Variants in GRIP1 observed in about 807,000 individuals in gnomAD.
The protein encoded by GRIP1 is glutamate receptor interacting protein 1.
GRIP1 carries 45 observed loss-of-function variants against 129.9 expected under a neutral mutation model. The observed-to-expected ratio is 0.35, with a 90% CI of 0.27 to 0.44. The LOEUF (loss-of-function observed/expected upper bound fraction) is 0.44, where lower values mean the gene tolerates loss of function less well. Among genes scored for constraint, GRIP1 ranks in the 20% least tolerant of loss-of-function variants. The probability of loss-of-function intolerance (pLI) is 1.00; values close to 1 mark genes in which losing one functional copy is unlikely to be tolerated. For missense variants in GRIP1, 1,196 were observed against 1,396.8 expected (o/e 0.86, Z 2.29); for synonymous variants, 530 against 520.8 (o/e 1.02, Z -0.24).
intron 7 of GRIP1, among the ~76,000 whole-genome samples, chr12:66,498,991 G>C (rs1382513353): frequency 2.0e-5 from 3 of 152,182 alleles, no homozygotes; most frequent in Non-Finnish European, 4.4e-5. Flanking sequence ...TCAGTCTCAT[G>C]ATCACTGAGA....
At chr12:66,508,451 T>C (rs577290366) in intron 7 of GRIP1, among the ~76,000 whole-genome samples, 1 of 152,238 alleles carries the variant, frequency 6.6e-6, no homozygotes, top group East Asian at 1.9e-4. Context: ...AAAATGTAAA[T>C]ACTTTCAAGA....
Position 66,697,196 on chromosome 12 carries a change from G to T in GRIP1, c.-419-66860C>A, listed in dbSNP as rs2035195605. The stretch of plus-strand genomic sequence containing the variant: ...GAACAAAAGGACTAAAATCTAAAGG[G>T]AAAAAAGACCAATTTTCCTTCTCTC... On this transcript the variant is annotated intron_variant, in intron 1 of 4. Transcript: ENST00000538373. Among the ~76,000 whole-genome samples the T allele has an allele frequency of 2.0e-5, 3 of 152,066 alleles. No homozygotes were observed. In the South Asian group the frequency reaches 6.2e-4, roughly 32 times the overall value.
intron 1 of GRIP1, among the ~76,000 whole-genome samples, chr12:66,766,889 A>G (rs2037657435): frequency 6.6e-6 from 1 of 152,250 alleles, no homozygotes; most frequent in Admixed American, 6.5e-5. Flanking sequence ...GAATCCATTC[A>G]TCATTAAGCA....
rs564661365 is a variant in GRIP1, at chr12:66,910,140, T to C, written c.58+158910A>G. On this transcript the variant is annotated intron_variant, in intron 1 of 1. Transcript: ENST00000643019. ...CACATGAAATATGAATTTCCCTTGT[T>C]TGGAAGCAAGACTTAGGCTCAGGAC... Among the ~76,000 whole-genome samples the C allele has an allele frequency of 3.3e-5, 5 of 152,270 alleles. No homozygotes were observed. In the South Asian group the frequency reaches 8.3e-4, roughly 25 times the overall value.
chr12:66,356,630 G>A (rs1256083516), intron 23 of GRIP1, among the ~76,000 whole-genome samples: 2 of 152,084 alleles, frequency 1.3e-5, no homozygotes, highest in Non-Finnish European at 2.9e-5. Context: ...ACCACCAAGA[G>A]CTTGCCATGT....
intron 23 of GRIP1, among the ~76,000 whole-genome samples, chr12:66,354,456 A>G (rs1027910707): frequency 6.6e-6 from 1 of 152,220 alleles, no homozygotes; most frequent in Non-Finnish European, 1.5e-5. Flanking sequence ...AGGCACACAC[A>G]TGAATATGTA....
chr12:67,032,859 A>C (rs2043042742), intron 1 of GRIP1, among the ~76,000 whole-genome samples: 1 of 152,206 alleles, frequency 6.6e-6, no homozygotes, highest in African/African-American at 2.4e-5. Context: ...AAAGATAACA[A>C]GAAGCAGATT....
intron 15 of GRIP1, among the ~76,000 whole-genome samples, chr12:66,419,932 G>A (rs2057744542): frequency 6.6e-6 from 1 of 152,080 alleles, no homozygotes; most frequent in Non-Finnish European, 1.5e-5. Flanking sequence ...CCCGCCTCTA[G>A]TAAAAAATAC....
intron 1 of GRIP1, among the ~76,000 whole-genome samples, chr12:66,827,413 A>AGAGC (rs954144495): frequency 2.0e-5 from 3 of 150,888 alleles, no homozygotes; most frequent in Non-Finnish European, 4.4e-5. Context: ...AGAGAGAGAG[A>AGAGC]GAGCGCACAA....
upstream of GRIP1, among the ~76,000 whole-genome samples, chr12:66,682,898 T>C (rs938783246): frequency 2.0e-5 from 3 of 152,198 alleles, no homozygotes; most frequent in African/African-American, 7.2e-5. Flanking sequence ...AAAATATACC[T>C]GATAGATCCC....
At chr12:66,910,839 T>C (rs146501294) in intron 1 of GRIP1, among the ~76,000 whole-genome samples, 165 of 152,254 alleles carry the variant, frequency 1.1e-3, no homozygotes, top group African/African-American at 3.7e-3. Context: ...CCCTAGGCCA[T>C]AGAATTCCAC....
intron 1 of GRIP1, among the ~76,000 whole-genome samples, chr12:66,653,936 G>C (rs2032975543): frequency 6.6e-6 from 1 of 152,180 alleles, no homozygotes; most frequent in Admixed American, 6.5e-5. Flanking sequence ...CACAGCCTCA[G>C]AGAACAGAGA....
intron 1 of GRIP1, among the ~76,000 whole-genome samples, chr12:66,710,363 A>C (rs1016508182): frequency 7.2e-5 from 11 of 152,002 alleles, no homozygotes; most frequent in South Asian, 6.2e-4. Flanking sequence ...CATTGTCTAA[A>C]CCATTCTCAA....
chr12:66,498,006 C>G (rs1029189587), intron 7 of GRIP1, among the ~76,000 whole-genome samples: 1 of 152,084 alleles, frequency 6.6e-6, no homozygotes, highest in South Asian at 2.1e-4. Flanking sequence ...AAAAAGCACC[C>G]CCACTGGGCA....
intron 1 of GRIP1, among the ~76,000 whole-genome samples, chr12:67,004,528 C>T (rs2042599050): frequency 1.3e-5 from 2 of 151,984 alleles, no homozygotes; most frequent in South Asian, 4.2e-4. Flanking sequence ...GATAGAGTTC[C>T]ATTGTTACAA....
At chr12:66,958,890 G>A (rs774307296) in intron 1 of GRIP1, among the ~76,000 whole-genome samples, 2 of 152,220 alleles carry the variant, frequency 1.3e-5, no homozygotes, top group East Asian at 1.9e-4. Context: ...AGTCCCATCC[G>A]CAGAGAATGA....
At chr12:66,584,276 A>C (rs1328858598) in intron 2 of GRIP1, among the ~76,000 whole-genome samples, 1 of 137,026 alleles carries the variant, frequency 7.3e-6, no homozygotes, top group East Asian at 2.3e-4. Flanking sequence ...GGGAGGTGGG[A>C]GGGATAGCAT....
chr12:67,021,409 C>T (rs929096760), intron 1 of GRIP1, among the ~76,000 whole-genome samples: 2 of 152,126 alleles, frequency 1.3e-5, no homozygotes, highest in African/African-American at 4.8e-5. Context: ...TTTAATTCAG[C>T]ATAATTATTT....
chr12:66,731,899 A>G (rs916708143), intron 1 of GRIP1, among the ~76,000 whole-genome samples: 2 of 152,200 alleles, frequency 1.3e-5, no homozygotes, highest in African/African-American at 4.8e-5. Context: ...TGTTGAGGAT[A>G]TGGCTTTTAA....
Sources: allele counts gnomAD v4.1 joint callset (sites outside exome capture counted in the v4.1 genomes callset), GRCh38; gene constraint gnomAD v4.1.1; transcripts MANE v1.5; gene names NCBI Gene and HGNC (gene_info 2026-07-23, HGNC 2026-07-21).